Variants in ELAC2 observed in about 807,000 individuals in gnomAD.
ELAC2 encodes zinc phosphodiesterase ELAC protein 2.
Under a neutral mutation model 105.2 loss-of-function variants are expected in ELAC2, and 92 were observed. The ratio of observed to expected loss-of-function variants is 0.87; its 90% CI spans 0.74 to 1.04. The LOEUF is 1.04. Among genes scored for constraint, ELAC2 ranks in the 50% least tolerant of loss-of-function variants. The pLI, the probability that ELAC2 is intolerant of heterozygous loss-of-function variation, is 0.00. For missense variants in ELAC2, 1,099 were observed against 1,071.7 expected (o/e 1.03, Z -0.36); for synonymous variants, 468 against 409.1 (o/e 1.14, Z -1.74).
At chr17:13,010,791 C>CAT in intron 7 of ELAC2, 120 bp from the exon 8 acceptor site, 1 of 904,240 alleles carries the variant, frequency 1.1e-6, no homozygotes, top group Non-Finnish European at 1.8e-6. Flanking sequence ...CGCTACTGTC[C>CAT]CAATACAAAG....
In ELAC2 at chr17:12,992,924, GC is replaced by G; in HGVS notation, c.2374del (p.Ala792ArgfsTer65). On this transcript the variant is annotated frameshift_variant, in exon 24 of 24. Transcript: ENST00000338034. LOFTEE classifies it low-confidence loss of function (END_TRUNC). ...REKRELRQVR[A>X]ALLSRELAGG... Reference sequence around the variant, plus strand: ...TGCCAGCTCCCTGGACAGGAGGGCCGCCCGCACCTGCCGCAGCTCCCGCTTC... The same window carrying G: ...TGCCAGCTCCCTGGACAGGAGGGCCGCCGCACCTGCCGCAGCTCCCGCTTC... 6.2e-7 allele frequency: 1 copy of G among 1,610,962 alleles called. No individual in the cohort carries two copies.
At position 13,017,819 on chromosome 17, in the gene ELAC2, T is replaced by G; in HGVS notation, c.129A>C (p.Arg43=). 2 of 1,598,726 alleles carry G rather than the reference T, an allele frequency of 1.3e-6. No individual in the cohort carries two copies. The highest frequency in any genetic ancestry group is 1.7e-6 in the Non-Finnish European group (2 of 1,173,772). ...AGCACCCCGACGGTCCGCGCTTCTC[T>G]CGCGTGCGCAGGTGCCGCAGCGGGT... ...RKDPLRHLRT[R]EKRGPSGCSG... is the part of the protein sequence containing the mutation. The change falls in exon 1 of 24, where the codon CGA becomes CGC. Residue 43 remains arginine (R), a synonymous_variant. Coordinates refer to ENST00000338034, the MANE Select transcript of ELAC2 (RefSeq NM_018127.7).
In ELAC2 at chr17:12,991,871, T is replaced by TTA. The variant is rs1567734460; in HGVS notation, c.*946_*947insTA. 2.5e-5 allele frequency among the ~76,000 whole-genome samples: 3 copies of TTA among 118,776 alleles called. No homozygotes were observed. 77.9% of individuals were successfully genotyped at this position (118,776 alleles called of 152,430 possible). ...AACTTACTTACTTACTTACTTACTT[T>TTA]ACTTACTTACTTCCTTGGAAAATGC... is the stretch of plus-strand genomic sequence containing the variant. On this transcript the variant is annotated 3_prime_UTR_variant, in exon 24 of 24. Transcript: ENST00000338034.
chr17:13,006,479 T>C (rs1042991576), intron 8 of ELAC2: 1 of 176,080 alleles, frequency 5.7e-6, no homozygotes, highest in African/African-American at 2.4e-5. Context: ...TATTGTCAAA[T>C]GCTTTAGTAC....
intron 15 of ELAC2, among the ~76,000 whole-genome samples, chr17:12,999,542 C>T (rs926882295): frequency 6.6e-6 from 1 of 152,348 alleles, no homozygotes; most frequent in Non-Finnish European, 1.5e-5. Flanking sequence ...CAGCCAAGTC[C>T]CTGCTCAGAG....
In ELAC2 at chr17:12,996,540, C is replaced by A. The variant is rs201122086; in HGVS notation, c.1659+7G>T. 19 of 1,613,704 alleles carry A rather than the reference C, an allele frequency of 1.2e-5. No individual in the cohort carries two copies. The highest frequency in any genetic ancestry group is 1.2e-5 in the Non-Finnish European group (14 of 1,180,040). On this transcript the variant is annotated splice_region_variant and intron_variant, in intron 17 of 23. Transcript: ENST00000338034. ...GCTCCAGCTTTGTGGTCCAGCCCAA[C>A]ACTCACCGTGTGGTGATCTGCGTGC... is the stretch of plus-strand genomic sequence containing the variant.
chr17:13,009,248 TTTCA>T (rs1313568148), intron 8 of ELAC2, among the ~76,000 whole-genome samples: 11 of 150,976 alleles, frequency 7.3e-5, no homozygotes, highest in Admixed American at 2.0e-4. Flanking sequence ...AACTACTTAC[TTTCA>T]TTATTATTTT....
chr17:13,006,399 T>A (rs184663068), intron 8 of ELAC2: 1 of 241,082 alleles, frequency 4.1e-6, no homozygotes, highest in African/African-American at 2.3e-5. Flanking sequence ...AAAATGATGT[T>A]GTTTCCTTAC....
chr17:13,010,480 T>C (rs574358626), intron 8 of ELAC2, 133 bp downstream of exon 8: 10 of 853,638 alleles, frequency 1.2e-5, no homozygotes, highest in East Asian at 2.7e-5. Flanking sequence ...TCCATCAGCT[T>C]TTCTGAAGAT....
chr17:13,014,707 T>G (rs1401864636), intron 4 of ELAC2, among the ~76,000 whole-genome samples: 1 of 152,162 alleles, frequency 6.6e-6, no homozygotes, highest in Non-Finnish European at 1.5e-5. Flanking sequence ...CTTGCTCTAA[T>G]CAGGCCAGTG....
rs1201690072 is a variant in ELAC2, at chr17:13,003,502, G to C, written c.1056C>G (p.Ser352Arg). 6.2e-7 allele frequency: 1 copy of C among 1,614,188 alleles called. No individual in the cohort carries two copies. Among genetic ancestry groups the C allele is most frequent in the East Asian group, 2.2e-5 (1 of 44,878 alleles). The change falls in exon 12 of 24, where the codon AGC becomes AGG. Residue 352 changes from serine to arginine, a missense_variant. Coordinates refer to ENST00000338034, the MANE Select transcript of ELAC2 (RefSeq NM_018127.7). ...ACCTCTCCATCCACTGCTGGTACCT[G>C]CTGTCCACAAGCACAGATGCTGGGG... Reference protein sequence around the residue: ...HMAPASVLVDSRYQQWMERFG... With the variant: ...HMAPASVLVDRRYQQWMERFG...
rs1428970170 is a variant in ELAC2 at position 13,005,771 on chromosome 17, G to A, written c.852C>T (p.Ile284=). The A allele has an allele frequency of 6.2e-7, 1 of 1,614,162 alleles. No individual in the cohort carries two copies. The change falls in exon 10 of 24, where the codon ATC becomes ATT. Residue 284 remains isoleucine, a synonymous_variant. Coordinates refer to ENST00000338034, the MANE Select transcript of ELAC2 (RefSeq NM_018127.7). ...ATCTCACCTCTCTTCCTTCATGAGT[G>A]ATGCTTTTCCCGTCCTTGACAGCAG... ...IIAAVKDGKS[I]THEGREILAE...
rs186862094 is a variant in ELAC2 at position 13,000,796 on chromosome 17, G to A, written c.1305-522C>T. On this transcript the variant is annotated intron_variant, in intron 14 of 23. Transcript: ENST00000338034. ...TTTCCTAGCAAGCCCCAGATCACAC[G>A]GAGTGGCAACTCCTTGGACAGGCGG... is the stretch of plus-strand genomic sequence containing the variant. 449 of 182,110 alleles carry A rather than the reference G, an allele frequency of 2.5e-3. 6 individuals are homozygous for A. Among genetic ancestry groups the A allele is most frequent in the African/African-American group, 9.6e-3 (407 of 42,390 alleles). 11.3% of individuals were successfully genotyped at this position (182,110 alleles called of 1,614,324 possible).
intron 8 of ELAC2, among the ~76,000 whole-genome samples, chr17:13,008,327 T>C (rs1001630803): frequency 1.3e-5 from 2 of 151,692 alleles, no homozygotes; most frequent in Admixed American, 6.6e-5. Context: ...CTGGCCAACA[T>C]GGTGAAACCC....
chr17:12,995,203 A>G, intron 19 of ELAC2, 141 bp from the exon 20 acceptor site: 2 of 931,994 alleles, frequency 2.1e-6, no homozygotes, highest in East Asian at 2.5e-5. Flanking sequence ...TGATGAGGAA[A>G]CAGCAGTCAA....
chr17:12,998,523 A>T lies in ELAC2; in HGVS notation c.1424-15T>A, dbSNP rs1567749003. Reference sequence around the variant, plus strand: ...ACTTCTTTTCTCTGTGAAAAAATCCATGTGAAACAATCCATTCCTTTGGGT... The same window carrying T: ...ACTTCTTTTCTCTGTGAAAAAATCCTTGTGAAACAATCCATTCCTTTGGGT... On this transcript the variant is annotated splice_polypyrimidine_tract_variant and intron_variant, in intron 15 of 23. Transcript: ENST00000338034. The T allele has an allele frequency of 6.2e-7, 1 of 1,609,198 alleles. No individual in the cohort carries two copies. Among genetic ancestry groups the T allele is most frequent in the South Asian group, 1.1e-5 (1 of 90,962 alleles).
rs773860086 is a variant in ELAC2 at position 12,996,529 on chromosome 17, G to C, written c.1659+18C>G. 6.2e-7 allele frequency: 1 copy of C among 1,613,566 alleles called. No individual in the cohort carries two copies. Among genetic ancestry groups the C allele is most frequent in the South Asian group, 1.1e-5 (1 of 91,090 alleles). The stretch of plus-strand genomic sequence containing the variant: ...GCCTCCTCCAGGCTCCAGCTTTGTG[G>C]TCCAGCCCAACACTCACCGTGTGGT... On this transcript the variant is annotated intron_variant, in intron 17 of 23. Transcript: ENST00000338034.
intron 4 of ELAC2, among the ~76,000 whole-genome samples, 177 bp downstream of exon 4, chr17:13,015,591 C>T (rs1453255358): frequency 6.6e-6 from 1 of 152,196 alleles, no homozygotes; most frequent in Non-Finnish European, 1.5e-5. Context: ...GGTAAAGTAA[C>T]TTGATCAAGG....
intron 12 of ELAC2, 49 bp from the exon 13 acceptor site, chr17:13,002,628 C>T (rs1225053731): frequency 5.1e-6 from 8 of 1,563,646 alleles, no homozygotes; most frequent in Admixed American, 3.8e-5. Flanking sequence ...GGAGGCAGCT[C>T]CCCCTGAGGA....
Sources: allele counts gnomAD v4.1 joint callset (sites outside exome capture counted in the v4.1 genomes callset), GRCh38; gene constraint gnomAD v4.1.1; transcripts MANE v1.5; gene names NCBI Gene and HGNC (gene_info 2026-07-23, HGNC 2026-07-21).